The following CD5 variants were observed in gnomAD, a reference collection of about 807,000 sequenced individuals.
The protein encoded by CD5 is T-cell surface glycoprotein CD5.
Under a neutral mutation model 60.3 loss-of-function variants are expected in CD5, and 36 were observed. The ratio of observed to expected loss-of-function variants is 0.60; its 90% CI spans 0.46 to 0.79. CD5 has a LOEUF of 0.79. Among genes scored for constraint, CD5 ranks in the 30% least tolerant of loss-of-function variants. The pLI is 0.00. For synonymous variants in CD5, 230 were observed against 257.6 expected, an observed-to-expected ratio of 0.89 and a Z score of 1.03; for missense variants, 540 against 630.6, an observed-to-expected ratio of 0.86 and a Z score of 1.54.
chr11:61,116,534 CCACACCACACACA>C (rs1180575515), intron 2 of CD5, among the ~76,000 whole-genome samples: 4 of 84,886 alleles, frequency 4.7e-5, no homozygotes, highest in East Asian at 8.4e-4. Flanking sequence ...CACACACACC[CCACACCACACACA>C]CACACCACAC....
chr11:61,116,815 A>G (rs1860971411), intron 2 of CD5, among the ~76,000 whole-genome samples: 1 of 142,786 alleles, frequency 7.0e-6, no homozygotes, highest in Admixed American at 7.0e-5. Context: ...CACACACCAC[A>G]CACACATACA....
chr11:61,125,247 A>G (rs2134614298), intron 9 of CD5, 96 bp downstream of exon 9: 8 of 1,406,352 alleles, frequency 5.7e-6, no homozygotes, highest in Non-Finnish European at 7.9e-6. Context: ...GTGATGGCCC[A>G]AAGACAGAAT....
upstream of CD5, among the ~76,000 whole-genome samples, chr11:61,102,046 C>T (rs1860700938): frequency 6.6e-6 from 1 of 152,234 alleles, no homozygotes; most frequent in Non-Finnish European, 1.5e-5. Context: ...CCAACCTCAT[C>T]CCTCACAAAG....
intron 1 of CD5, among the ~76,000 whole-genome samples, chr11:61,112,768 A>C (rs536946304): frequency 6.6e-6 from 1 of 152,318 alleles, no homozygotes; most frequent in Non-Finnish European, 1.5e-5. Flanking sequence ...CGTGACTCCT[A>C]GAGCAACAGC....
chr11:61,096,372 G>T, the CD5 span, among the ~76,000 whole-genome samples: 1 of 152,250 alleles, frequency 6.6e-6, no homozygotes, highest in South Asian at 2.1e-4. Context: ...GGAGCCCAAG[G>T]TCAGGATTAC....
chr11:61,123,905 A>G lies in CD5; in HGVS notation c.1247A>G (p.Gln416Arg), dbSNP rs1439528973. Residue 416 changes from glutamine (Q) to arginine (R), a missense_variant, in exon 8 of 11, where the codon CAG becomes CGG. Physicochemically the swap from Gln to Arg is conservative, Grantham distance 43 (BLOSUM62 1). Transcript: ENST00000347785. Reference sequence around the variant, plus strand: ...CCAGTCCGCCAGAAGAAGCAGCGCCAGTGGATTGGCCCAACGGGAATGAAC... The same window carrying G: ...CCAGTCCGCCAGAAGAAGCAGCGCCGGTGGATTGGCCCAACGGGAATGAAC... The part of the protein sequence containing the change: ...VKKFRQKKQR[Q>R]WIGPTGMNQN... 4 of 1,483,962 alleles carry G rather than the reference A, an allele frequency of 2.7e-6. No homozygotes were observed. Among genetic ancestry groups the G allele is most frequent in the Non-Finnish European group, 1.8e-6 (2 of 1,097,704 alleles). The allele number at this position is 1,483,962 out of a possible 1,614,324, so 91.9% of individuals were successfully genotyped here. A position where few individuals can be genotyped will look rare whatever the true frequency, so the allele number is the denominator to read the frequency against.
intron 8 of CD5, among the ~76,000 whole-genome samples, chr11:61,124,538 ACAGT>A (rs1337801626): frequency 6.6e-6 from 1 of 151,796 alleles, no homozygotes; most frequent in Non-Finnish European, 1.5e-5. Flanking sequence ...CCTTCCAGCC[ACAGT>A]CAGAGACACC....
At chr11:61,100,431 G>GGTCAC (rs1337756195), upstream of CD5, among the ~76,000 whole-genome samples, 24 of 141,190 alleles carry the variant, frequency 1.7e-4, no homozygotes, top group African/African-American at 5.4e-4. Flanking sequence ...TCAACATGGA[G>GGTCAC]ATCACACACA....
At chr11:61,106,895 T>C (rs1860785323) in intron 1 of CD5, among the ~76,000 whole-genome samples, 1 of 152,152 alleles carries the variant, frequency 6.6e-6, no homozygotes, top group East Asian at 1.9e-4. Context: ...ATCGGGTTTA[T>C]TCAGAGACTA....
the CD5 span, among the ~76,000 whole-genome samples, chr11:61,094,372 C>G: frequency 6.6e-6 from 1 of 152,122 alleles, no homozygotes; most frequent in East Asian, 1.9e-4. Context: ...ATGGCCCAAT[C>G]ACCCATGGCA....
intron 1 of CD5, among the ~76,000 whole-genome samples, chr11:61,106,124 CAAAAAAAA>C (rs36003583): frequency 0.015 from 1,199 of 81,878 alleles, 15 homozygotes; most frequent in South Asian, 0.046. Context: ...GACTCCATCT[CAAAAAAAA>C]AAAAAAAAAA....
chr11:61,122,413 G>A (rs1861078886), intron 6 of CD5, among the ~76,000 whole-genome samples: 1 of 137,074 alleles, frequency 7.3e-6, no homozygotes, highest in Non-Finnish European at 1.6e-5. Context: ...ATGGATGGAT[G>A]GATGGATCAG....
chr11:61,104,841 G>A (rs1314639242), intron 1 of CD5, among the ~76,000 whole-genome samples: 3 of 152,244 alleles, frequency 2.0e-5, no homozygotes, highest in African/African-American at 7.2e-5. Context: ...AGCAGCTGGT[G>A]CACAGCCGAG....
Position 61,119,216 on chromosome 11 carries a change from T to TG in CD5, c.464-17dup, listed in dbSNP as rs1181396878. On this transcript the variant is annotated splice_polypyrimidine_tract_variant and intron_variant, in intron 4 of 10. Transcript: ENST00000347785. ...CGGCGCTCAGGGTGGCTCCCCCTCC[T>TG]GCTCTCTCCTCTCCTAGCTCCTCCC... is the stretch of plus-strand genomic sequence containing the variant. 6.4e-7 allele frequency: 1 copy of TG among 1,564,120 alleles called. No homozygotes were observed. The highest frequency in any genetic ancestry group is 1.8e-5 in the Admixed American group (1 of 54,380).
chr11:61,119,717 C>G (rs1182500775), intron 5 of CD5, 142 bp downstream of exon 5: 1 of 644,338 alleles, frequency 1.6e-6, no homozygotes, highest in Non-Finnish European at 2.7e-6. Flanking sequence ...GTCTTGGCCT[C>G]TAAGAGGTAA....
intron 4 of CD5, 39 bp from the exon 5 acceptor site, chr11:61,119,195 G>A (rs368762416): frequency 1.4e-5 from 22 of 1,518,126 alleles, no homozygotes; most frequent in African/African-American, 4.2e-5. Flanking sequence ...AGCCCTCGGC[G>A]CTCAGGGTGG....
chr11:61,100,171 C>T (rs1349355300), upstream of CD5, among the ~76,000 whole-genome samples: 2 of 122,550 alleles, frequency 1.6e-5, no homozygotes, highest in Admixed American at 8.2e-5. Context: ...ATGGAGATTA[C>T]ACACACACAT....
intron 1 of CD5, among the ~76,000 whole-genome samples, chr11:61,102,906 T>G (rs112999509): frequency 6.6e-5 from 10 of 152,280 alleles, no homozygotes; most frequent in African/African-American, 2.4e-4. Context: ...CCGCATTTGA[T>G]GGGGCCCAGA....
At chr11:61,115,138 G>A (rs1369132731) in intron 2 of CD5, 44 bp downstream of exon 2, 4 of 1,527,810 alleles carry the variant, frequency 2.6e-6, no homozygotes, top group East Asian at 2.5e-5. Flanking sequence ...CAGGGGGAGA[G>A]TGGGGCTGTG....
Sources: gnomAD v4.1 joint callset for allele counts (sites outside exome capture counted in the v4.1 genomes callset) on GRCh38, gnomAD v4.1.1 for gene constraint, MANE v1.5 for transcripts, NCBI Gene and HGNC (gene_info 2026-07-23, HGNC 2026-07-21) for gene names.